The following GRB2 variants were observed in gnomAD, a reference collection of about 807,000 sequenced individuals.
GRB2 encodes growth factor receptor bound protein 2, also known as growth factor receptor-bound protein 2.
Under a neutral mutation model 27.4 loss-of-function variants are expected in GRB2, and 2 were observed. That is an observed-to-expected ratio of 0.07 (90% CI 0.03 to 0.23). The LOEUF (loss-of-function observed/expected upper bound fraction) is 0.23, where lower values mean the gene tolerates loss of function less well. Among genes scored for constraint, GRB2 ranks in the 10% least tolerant of loss-of-function variants. The pLI is 1.00. For missense variants in GRB2, 102 were observed against 282.4 expected, an observed-to-expected ratio of 0.36 and a Z score of 4.58; for synonymous variants, 94 against 99.6, an observed-to-expected ratio of 0.94 and a Z score of 0.33.
At chr17:75,337,687 C>T (rs1320510046) in intron 2 of GRB2, among the ~76,000 whole-genome samples, 1 of 149,244 alleles carries the variant, frequency 6.7e-6, no homozygotes, top group Non-Finnish European at 1.5e-5. Context: ...TCTCCTGCCT[C>T]AGCCTCCCGA....
chr17:75,378,157 G>C (rs187323059), intron 2 of GRB2, among the ~76,000 whole-genome samples: 10 of 151,932 alleles, frequency 6.6e-5, no homozygotes, highest in African/African-American at 2.2e-4. Flanking sequence ...AGGCCGAGGT[G>C]GGGGGGAGGA....
rs1205130095 is a variant in GRB2, at chr17:75,320,615, A to G, written c.469-62T>C. 7 of 1,297,772 alleles carry G rather than the reference A, an allele frequency of 5.4e-6. No individual in the cohort carries two copies. The East Asian group carries it at 1.6e-4, about 30-fold the overall frequency. The allele number at this position is 1,297,772 out of a possible 1,614,324, so 80.4% of individuals were successfully genotyped here. On this transcript the variant is annotated intron_variant, in intron 5 of 5. Coordinates refer to ENST00000316804, the MANE Select transcript of GRB2 (RefSeq NM_002086.5). This position sits in a 1 kb window ranked among gnomAD's most constrained non-coding sequence, Gnocchi z 4.3. ...CCTGGTCTGTGACTGGCCACCTCCG[A>G]GGCCAGATGGGTTCCAGGGGGAAAC...
intron 1 of GRB2, among the ~76,000 whole-genome samples, chr17:75,400,378 T>A (rs1355239526): frequency 6.6e-6 from 1 of 152,096 alleles, no homozygotes; most frequent in Non-Finnish European, 1.5e-5. Flanking sequence ...TTCACTAGGT[T>A]GGCCAGGCTG....
At chr17:75,323,014 G>C (rs1252477789) in intron 4 of GRB2, among the ~76,000 whole-genome samples, 1 of 151,812 alleles carries the variant, frequency 6.6e-6, no homozygotes, top group East Asian at 1.9e-4. Flanking sequence ...AGCTACTCGG[G>C]AGGCTGAGGC....
chr17:75,388,258 G>A lies in GRB2; in HGVS notation c.78+5293C>T, dbSNP rs187917487. Among the ~76,000 whole-genome samples the A allele has an allele frequency of 3.1e-3, 473 of 151,882 alleles. 4 individuals carry two copies. The highest frequency in any genetic ancestry group is 0.011 in the African/African-American group (449 of 41,416). ...ATTACAGGTACGCACGCGCACCACC[G>A]GGCCCGGCTGTTTTTTGTATTTTTA... is the stretch of plus-strand genomic sequence containing the variant. On this transcript the variant is annotated intron_variant, in intron 2 of 5. Coordinates refer to ENST00000316804, the MANE Select transcript of GRB2 (RefSeq NM_002086.5).
intron 2 of GRB2, among the ~76,000 whole-genome samples, chr17:75,365,920 C>G (rs1259460966): frequency 6.6e-6 from 1 of 152,054 alleles, no homozygotes; most frequent in African/African-American, 2.4e-5. Context: ...GTAGAAATAC[C>G]ATTTTTCACA....
chr17:75,322,230 G>A (rs1290376212), intron 4 of GRB2, among the ~76,000 whole-genome samples: 1 of 152,064 alleles, frequency 6.6e-6, no homozygotes, highest in Non-Finnish European at 1.5e-5. Context: ...AAAGTAGCTG[G>A]GCATGATGGT....
chr17:75,352,677 G>A (rs1242629286), intron 2 of GRB2, among the ~76,000 whole-genome samples: 1 of 152,148 alleles, frequency 6.6e-6, no homozygotes. Context: ...TGCAGCTACA[G>A]CCTGGTATCA....
At chr17:75,392,012 C>CT (rs2079001821) in intron 2 of GRB2, among the ~76,000 whole-genome samples, 1 of 152,064 alleles carries the variant, frequency 6.6e-6, no homozygotes, top group Non-Finnish European at 1.5e-5. Flanking sequence ...CCCAAAAGGG[C>CT]TTTTGTACAG....
At chr17:75,375,094 G>A (rs1387321606) in intron 2 of GRB2, among the ~76,000 whole-genome samples, 4 of 149,940 alleles carry the variant, frequency 2.7e-5, no homozygotes, top group East Asian at 1.9e-4. Context: ...TTTTGTAGAC[G>A]GGGGGGTCTC....
At chr17:75,390,161 GTAGT>G (rs1409126270) in intron 2 of GRB2, among the ~76,000 whole-genome samples, 1 of 152,284 alleles carries the variant, frequency 6.6e-6, no homozygotes, top group African/African-American at 2.4e-5. Flanking sequence ...ACTGGTAAAG[GTAGT>G]TAGTGCCAGA....
At chr17:75,389,656 C>T (rs184892330) in intron 2 of GRB2, among the ~76,000 whole-genome samples, 2 of 152,226 alleles carry the variant, frequency 1.3e-5, no homozygotes, top group East Asian at 3.9e-4. Flanking sequence ...ACCATCCTGG[C>T]TAACATGGTG....
chr17:75,343,084 T>TG (rs945620114), intron 2 of GRB2, among the ~76,000 whole-genome samples: 6 of 77,070 alleles, frequency 7.8e-5, no homozygotes, highest in Admixed American at 1.4e-4. Flanking sequence ...TGGGAAGGAG[T>TG]GGGGGTGGGT....
At chr17:75,334,718 C>T (rs1272726295) in intron 2 of GRB2, among the ~76,000 whole-genome samples, 1 of 152,280 alleles carries the variant, frequency 6.6e-6, no homozygotes, top group East Asian at 1.9e-4. Flanking sequence ...GGTGGGAAGA[C>T]TGCTTTAGCC....
intron 2 of GRB2, among the ~76,000 whole-genome samples, chr17:75,337,487 C>T (rs1252686538): frequency 1.3e-5 from 2 of 151,684 alleles, no homozygotes; most frequent in African/African-American, 4.8e-5. Context: ...GATGAGGCTG[C>T]ACCTACAAAG....
At chr17:75,377,647 C>T (rs2078902858) in intron 2 of GRB2, among the ~76,000 whole-genome samples, 1 of 147,302 alleles carries the variant, frequency 6.8e-6, no homozygotes, top group African/African-American at 2.5e-5. Flanking sequence ...TAGTTCACGC[C>T]TGTAATCCCA....
chr17:75,322,527 C>G (rs1414812460), intron 4 of GRB2, among the ~76,000 whole-genome samples: 1 of 152,122 alleles, frequency 6.6e-6, no homozygotes, highest in African/African-American at 2.4e-5. Flanking sequence ...GAAATACTTT[C>G]AACAATTCTC....
chr17:75,397,063 G>A (rs1232079898), intron 1 of GRB2, among the ~76,000 whole-genome samples: 2 of 152,186 alleles, frequency 1.3e-5, no homozygotes, highest in African/African-American at 4.8e-5. Flanking sequence ...TAACCTTCTT[G>A]AAAGTCGTGT....
chr17:75,399,218 T>TTGTGTG (rs140196630), intron 1 of GRB2, among the ~76,000 whole-genome samples: 1 of 149,692 alleles, frequency 6.7e-6, no homozygotes, highest in Non-Finnish European at 1.5e-5. Flanking sequence ...TGGCTAATTT[T>TTGTGTG]TGTGTGTGTG....
Sources: allele counts gnomAD v4.1 joint callset (sites outside exome capture counted in the v4.1 genomes callset), GRCh38; gene constraint gnomAD v4.1.1; non-coding constraint Gnocchi (gnomAD v3.1); transcripts MANE v1.5; gene names NCBI Gene and HGNC (gene_info 2026-07-23, HGNC 2026-07-21).